Variants in PPM1A observed in about 807,000 individuals in gnomAD.
PPM1A encodes the protein protein phosphatase, Mg2+/Mn2+ dependent 1A.
In PPM1A, 7 loss-of-function variants were observed where a neutral mutation model predicts 35.0. That is an observed-to-expected ratio of 0.20 (90% CI 0.11 to 0.38). The LOEUF (loss-of-function observed/expected upper bound fraction) is 0.38, where lower values mean the gene tolerates loss of function less well. Among genes scored for constraint, PPM1A ranks in the 10% least tolerant of loss-of-function variants. The pLI, the probability that PPM1A is intolerant of heterozygous loss-of-function variation, is 1.00. For synonymous variants in PPM1A, 153 were observed against 167.3 expected, an observed-to-expected ratio of 0.91 and a Z score of 0.66; for missense variants, 239 against 467.8, an observed-to-expected ratio of 0.51 and a Z score of 4.51.
chr14:60,271,893 A>G (rs1885175349), intron 1 of PPM1A, among the ~76,000 whole-genome samples: 1 of 152,126 alleles, frequency 6.6e-6, no homozygotes, highest in Admixed American at 6.5e-5. Context: ...CATTTTATAC[A>G]TTTCTCAGAA....
At chr14:60,247,036 C>T (rs554116627), upstream of PPM1A, among the ~76,000 whole-genome samples, 5 of 152,284 alleles carry the variant, frequency 3.3e-5, no homozygotes, top group East Asian at 7.7e-4. Flanking sequence ...AGTGACCCAG[C>T]TTCTGCTTAT....
At chr14:60,255,195 A>T (rs1298177769) in intron 1 of PPM1A, among the ~76,000 whole-genome samples, 1 of 127,440 alleles carries the variant, frequency 7.8e-6, no homozygotes, top group Non-Finnish European at 1.5e-5. Context: ...TTTTTGAGAC[A>T]GAGTCTCGCT....
At chr14:60,263,528 T>C (rs1187463660) in intron 1 of PPM1A, among the ~76,000 whole-genome samples, 1 of 152,152 alleles carries the variant, frequency 6.6e-6, no homozygotes, top group African/African-American at 2.4e-5. Flanking sequence ...TTAAATTTTA[T>C]TTTTTTAGCT....
chr14:60,277,711 G>C (rs922287806), intron 1 of PPM1A, among the ~76,000 whole-genome samples: 2 of 152,144 alleles, frequency 1.3e-5, no homozygotes, highest in Non-Finnish European at 2.9e-5. Context: ...TGTTTATGTA[G>C]GAGTTAGTAA....
At chr14:60,252,212 G>C (rs1882509563) in intron 1 of PPM1A, among the ~76,000 whole-genome samples, 1 of 152,216 alleles carries the variant, frequency 6.6e-6, no homozygotes, top group African/African-American at 2.4e-5. Flanking sequence ...TAACCAAGAA[G>C]TGGCATATGT....
chr14:60,274,099 A>G (rs538434114), intron 1 of PPM1A, among the ~76,000 whole-genome samples: 2 of 152,326 alleles, frequency 1.3e-5, no homozygotes, highest in South Asian at 2.1e-4. Context: ...AGGAATGCCA[A>G]TGTTTAATGG....
At chr14:60,287,995 C>T in intron 3 of PPM1A, 1 of 980,256 alleles carries the variant, frequency 1.0e-6, no homozygotes, top group Non-Finnish European at 1.2e-6. Flanking sequence ...AAAAAGCGTT[C>T]AGTCTTTTTA....
intron 1 of PPM1A, among the ~76,000 whole-genome samples, chr14:60,281,771 G>A (rs886643961): frequency 8.5e-5 from 13 of 152,160 alleles, no homozygotes; most frequent in African/African-American, 3.1e-4. Context: ...TATTGGAAAA[G>A]GATTAGATTA....
chr14:60,291,015 C>G (rs998569291), intron 4 of PPM1A, among the ~76,000 whole-genome samples: 1 of 152,076 alleles, frequency 6.6e-6, no homozygotes, highest in Non-Finnish European at 1.5e-5. Flanking sequence ...TAATCTGAGA[C>G]TTCAAAACTA....
At chr14:60,256,862 G>A (rs1002426540) in intron 1 of PPM1A, 1 of 152,132 alleles carries the variant, frequency 6.6e-6, no homozygotes, top group South Asian at 2.1e-4. Flanking sequence ...TTGCTACTGC[G>A]GAAAGTAAGT....
At chr14:60,285,919 A>AGTT in intron 3 of PPM1A, 178 bp downstream of exon 3, 1 of 1,312,340 alleles carries the variant, frequency 7.6e-7, no homozygotes. Context: ...GTCCTATCAC[A>AGTT]GTTATATTAG....
chr14:60,261,279 G>C (rs758088417), intron 1 of PPM1A, among the ~76,000 whole-genome samples: 3 of 152,130 alleles, frequency 2.0e-5, no homozygotes, highest in Admixed American at 6.5e-5. Flanking sequence ...GAGTTTGTTG[G>C]CATCAGAATA....
At position 60,289,882 on chromosome 14, in the gene PPM1A, C is replaced by A. The variant is rs1468642155; in HGVS notation, c.1029C>A (p.Pro343=). 6.3e-7 allele frequency: 1 copy of A among 1,590,566 alleles called. No individual in the cohort carries two copies. Among genetic ancestry groups the A allele is most frequent in the South Asian group, 1.1e-5 (1 of 87,004 alleles). ...VMRTLASENI[P]SLPPGGELAS... is the part of the protein sequence containing the mutation. ...GCACATTAGCGAGTGAGAACATCCC[C>A]AGCCTCCCACCAGGGGGTGAATTGG... The change falls in exon 4 of 6, where the codon CCC becomes CCA. Residue 343 remains proline, a synonymous_variant. Coordinates refer to ENST00000395076, the MANE Select transcript of PPM1A (RefSeq NM_021003.5). The surrounding 1 kb of genome is among the most constrained non-coding windows in gnomAD (Gnocchi z 4.1).
Position 60,279,523 on chromosome 14 carries a change from CGTT to C in PPM1A, c.-20-3157_-20-3155del, listed in dbSNP as rs752939511. On this transcript the variant is annotated intron_variant, in intron 1 of 5. Coordinates refer to ENST00000395076, the MANE Select transcript of PPM1A (RefSeq NM_021003.5). ...TCACCCGTGTTCATTATTTTTAAAA[CGTT>C]GTTTTGAGATCTATAATTAGAAGTG... Among the ~76,000 whole-genome samples the C allele has an allele frequency of 4.8e-4, 73 of 152,230 alleles. 1 individual carries two copies. In the Middle Eastern group the frequency reaches 0.02, roughly 43 times the overall value.
intron 3 of PPM1A, chr14:60,286,397 A>G (rs1167292003): frequency 1.2e-5 from 12 of 985,508 alleles, no homozygotes; most frequent in Non-Finnish European, 1.4e-5. Context: ...ATAATTCTGC[A>G]GAGACTTCCA....
Position 60,298,114 on chromosome 14 carries a change from A to C in PPM1A, c.*5632A>C, listed in dbSNP as rs1373450364. ...AAAGTGATTAAAAGGTGAAAAAAAA[A>C]CATAGTATTCAGAAGTTTTGGAGGT... On this transcript the variant is annotated 3_prime_UTR_variant, in exon 6 of 6. Transcript: ENST00000395076. The C allele has an allele frequency of 1.3e-5, 2 of 151,716 alleles. No homozygotes were observed. Among genetic ancestry groups the C allele is most frequent in the Admixed American group, 6.6e-5 (1 of 15,198 alleles). 9.4% of individuals were successfully genotyped at this position (151,716 alleles called of 1,614,324 possible).
intron 1 of PPM1A, among the ~76,000 whole-genome samples, chr14:60,264,865 T>C (rs1884194378): frequency 6.6e-6 from 1 of 152,212 alleles, no homozygotes; most frequent in Admixed American, 6.5e-5. Context: ...TTCTGCCTAT[T>C]TTTAATTTTT....
chr14:60,264,562 C>T lies in PPM1A; in HGVS notation c.-21+14885C>T, dbSNP rs530159686. Among the ~76,000 whole-genome samples the T allele has an allele frequency of 2.0e-3, 304 of 152,260 alleles. 1 individual carries two copies. Among genetic ancestry groups the T allele is most frequent in the Admixed American group, 3.1e-3 (48 of 15,298 alleles). ...ATTCTAAACACATTTCTATGATATG[C>T]TTAAGTATGTTGTTTTATCCATAGC... On this transcript the variant is annotated intron_variant, in intron 1 of 5. Coordinates refer to ENST00000395076, the MANE Select transcript of PPM1A (RefSeq NM_021003.5).
chr14:60,285,463 C>A (rs2139557240), intron 2 of PPM1A, among the ~76,000 whole-genome samples, 161 bp from the exon 3 acceptor site: 2 of 113,416 alleles, frequency 1.8e-5, no homozygotes, highest in South Asian at 5.3e-4. Context: ...AGTCATTGCA[C>A]ACACACACGC....
Sources: allele counts gnomAD v4.1 joint callset (sites outside exome capture counted in the v4.1 genomes callset), GRCh38; gene constraint gnomAD v4.1.1; non-coding constraint Gnocchi (gnomAD v3.1); transcripts MANE v1.5; gene names NCBI Gene and HGNC (gene_info 2026-07-23, HGNC 2026-07-21).